GRIA1: variants seen among roughly 807,000 people sequenced by gnomAD.
GRIA1 encodes the protein glutamate receptor 1.
Under a neutral mutation model 99.2 loss-of-function variants are expected in GRIA1, and 31 were observed. That is an observed-to-expected ratio of 0.31 (90% CI 0.23 to 0.42). GRIA1 has a LOEUF of 0.42. Among genes scored for constraint, GRIA1 ranks in the 10% least tolerant of loss-of-function variants. The probability of loss-of-function intolerance (pLI) is 1.00; values close to 1 mark genes in which losing one functional copy is unlikely to be tolerated. For synonymous variants in GRIA1, 438 were observed against 432.4 expected (o/e 1.01, Z -0.16); for missense variants, 782 against 1,157.5 (o/e 0.68, Z 4.71).
At chr5:153,644,025 G>C (rs1561721548) in intron 2 of GRIA1, among the ~76,000 whole-genome samples, 1 of 152,186 alleles carries the variant, frequency 6.6e-6, no homozygotes, top group Non-Finnish European at 1.5e-5. Flanking sequence ...TTTATATCCT[G>C]TAGGATAATA....
chr5:153,810,835 G>C (rs1295561942), intron 15 of GRIA1, among the ~76,000 whole-genome samples, 190 bp from the exon 16 acceptor site: 1 of 152,160 alleles, frequency 6.6e-6, no homozygotes, highest in Non-Finnish European at 1.5e-5. Flanking sequence ...CTAAGAGAGG[G>C]GATCAGACAT....
intron 2 of GRIA1, among the ~76,000 whole-genome samples, chr5:153,557,378 C>T (rs1760743622): frequency 6.6e-6 from 1 of 152,204 alleles, no homozygotes. Flanking sequence ...GATTCTCCTG[C>T]CTCAGCTTCC....
Position 153,690,265 on chromosome 5 carries a change from A to G in GRIA1, c.1134+3936A>G, listed in dbSNP as rs139654058. ...AAGTAAAAGGAATACAAATAATATA[A>G]TATAATATAATATAATTTATAATAT... On this transcript the variant is annotated intron_variant, in intron 8 of 15. Coordinates refer to ENST00000285900, the MANE Select transcript of GRIA1 (RefSeq NM_000827.4). 5.4e-3 allele frequency among the ~76,000 whole-genome samples: 805 copies of G among 150,182 alleles called. 2 individuals are homozygous for G. Among genetic ancestry groups the G allele is most frequent in the Non-Finnish European group, 8.3e-3 (558 of 67,592 alleles).
At chr5:153,639,933 T>G (rs911385186) in intron 2 of GRIA1, among the ~76,000 whole-genome samples, 1 of 152,344 alleles carries the variant, frequency 6.6e-6, no homozygotes, top group Middle Eastern at 3.4e-3. Context: ...CTGATTTAGT[T>G]TAAACTCTGT....
intron 2 of GRIA1, among the ~76,000 whole-genome samples, chr5:153,499,440 C>A (rs1234103112): frequency 1.3e-5 from 2 of 151,548 alleles, no homozygotes; most frequent in South Asian, 2.1e-4. Flanking sequence ...ACAGTGAAAC[C>A]CCATCTCTAC....
At chr5:153,557,646 G>A (rs923410700) in intron 2 of GRIA1, among the ~76,000 whole-genome samples, 5 of 151,924 alleles carry the variant, frequency 3.3e-5, no homozygotes, top group Non-Finnish European at 5.9e-5. Flanking sequence ...GTTAGAAAAT[G>A]TTTAAAGGGT....
intron 2 of GRIA1, among the ~76,000 whole-genome samples, chr5:153,527,781 T>G (rs1757736537): frequency 6.6e-6 from 1 of 152,232 alleles, no homozygotes; most frequent in South Asian, 2.1e-4. Flanking sequence ...CCTTAATAAA[T>G]GTAGAGATGT....
intron 11 of GRIA1, among the ~76,000 whole-genome samples, chr5:153,731,580 C>T (rs959091919): frequency 6.6e-6 from 1 of 151,938 alleles, no homozygotes; most frequent in Non-Finnish European, 1.5e-5. Context: ...AAGGCAGAAC[C>T]CATTTTTTTC....
intron 15 of GRIA1, among the ~76,000 whole-genome samples, chr5:153,802,734 C>A (rs756257695): frequency 6.6e-6 from 1 of 152,096 alleles, no homozygotes; most frequent in Non-Finnish European, 1.5e-5. Context: ...AGAGTGGGGT[C>A]AGTGAGATTG....
At chr5:153,658,631 G>A (rs1340204472) in intron 5 of GRIA1, among the ~76,000 whole-genome samples, 3 of 152,144 alleles carry the variant, frequency 2.0e-5, no homozygotes, top group Admixed American at 6.6e-5. Flanking sequence ...TTCATAAGAC[G>A]ATAATTTTTA....
At chr5:153,534,584 C>T (rs957464235) in intron 2 of GRIA1, among the ~76,000 whole-genome samples, 1 of 152,166 alleles carries the variant, frequency 6.6e-6, no homozygotes, top group African/African-American at 2.4e-5. Context: ...GGTAAATTTA[C>T]AGATAATAAT....
chr5:153,678,063 C>A (rs1167927313), intron 7 of GRIA1, among the ~76,000 whole-genome samples: 1 of 152,234 alleles, frequency 6.6e-6, no homozygotes, highest in South Asian at 2.1e-4. Flanking sequence ...CAAACCAGCA[C>A]AGCAAGATTA....
At chr5:153,495,009 C>G (rs1754272354) in intron 2 of GRIA1, among the ~76,000 whole-genome samples, 1 of 152,108 alleles carries the variant, frequency 6.6e-6, no homozygotes, top group Non-Finnish European at 1.5e-5. Flanking sequence ...GACCATATTT[C>G]CTTTGTGTCT....
intron 8 of GRIA1, among the ~76,000 whole-genome samples, chr5:153,686,923 C>A (rs966478084): frequency 6.6e-6 from 1 of 152,076 alleles, no homozygotes; most frequent in Non-Finnish European, 1.5e-5. Context: ...ACCCTTGATA[C>A]TTCCTTCATC....
intron 2 of GRIA1, among the ~76,000 whole-genome samples, chr5:153,602,652 G>T (rs966264322): frequency 6.6e-6 from 1 of 152,098 alleles, no homozygotes; most frequent in East Asian, 1.9e-4. Flanking sequence ...AAAAGATAAA[G>T]TAATTTGCCC....
intron 2 of GRIA1, among the ~76,000 whole-genome samples, chr5:153,560,869 G>A (rs891691999): frequency 1.5e-4 from 23 of 152,138 alleles, no homozygotes; most frequent in African/African-American, 5.3e-4. Flanking sequence ...TTAAACCAGA[G>A]CAGCAAAACA....
intron 11 of GRIA1, among the ~76,000 whole-genome samples, chr5:153,752,784 T>C (rs1012024000): frequency 1.3e-5 from 2 of 152,298 alleles, no homozygotes; most frequent in East Asian, 1.9e-4. Flanking sequence ...ATCTATGTAA[T>C]GCTATGAAGA....
chr5:153,763,229 A>G (rs576874881), intron 11 of GRIA1, among the ~76,000 whole-genome samples: 5 of 152,336 alleles, frequency 3.3e-5, no homozygotes, highest in African/African-American at 1.2e-4. Context: ...AATAACACAT[A>G]TAAGGTCAAC....
intron 11 of GRIA1, among the ~76,000 whole-genome samples, chr5:153,745,969 G>A (rs143451453): frequency 1.8e-3 from 280 of 152,200 alleles, no homozygotes; most frequent in African/African-American, 6.2e-3. Flanking sequence ...TTGTCCTCAC[G>A]ACAGCCCTTT....
Sources: allele counts gnomAD v4.1 joint callset (sites outside exome capture counted in the v4.1 genomes callset), GRCh38; gene constraint gnomAD v4.1.1; transcripts MANE v1.5; gene names NCBI Gene and HGNC (gene_info 2026-07-23, HGNC 2026-07-21).